The following NDRG2 variants were observed in gnomAD, a reference collection of about 807,000 sequenced individuals.
NDRG2 encodes the protein NDRG family member 2.
Under a neutral mutation model 58.2 loss-of-function variants are expected in NDRG2, and 34 were observed. The observed-to-expected ratio is 0.58, with a 90% CI of 0.44 to 0.78. The LOEUF is 0.78. Ranked by LOEUF, NDRG2 falls within the 30% of genes least tolerant of loss-of-function variation. NDRG2 has a pLI of 0.00. For missense variants in NDRG2, 434 were observed against 471.2 expected, an observed-to-expected ratio of 0.92 and a Z score of 0.73; for synonymous variants, 187 against 175.9, an observed-to-expected ratio of 1.06 and a Z score of -0.50.
At chr14:21,018,921 A>C in intron 11 of NDRG2, 107 bp from the exon 12 acceptor site, 1 of 1,445,312 alleles carries the variant, frequency 6.9e-7, no homozygotes, top group Non-Finnish European at 9.6e-7. Context: ...GAGGAAAGAC[A>C]CTTCTGTGTC....
intron 1 of NDRG2, among the ~76,000 whole-genome samples, chr14:21,044,995 A>C: frequency 6.6e-6 from 1 of 152,216 alleles, no homozygotes; most frequent in East Asian, 1.9e-4. Context: ...GAGGAATCCT[A>C]CCTGCCAAAT....
chr14:21,019,187 T>C (rs376419980), intron 10 of NDRG2, 27 bp from the exon 11 acceptor site: 264 of 1,599,728 alleles, frequency 1.7e-4, no homozygotes, highest in Non-Finnish European at 1.2e-4. Flanking sequence ...AGAGTAGGAA[T>C]TTTAGGTGGG....
chr14:21,020,624 G>A, intron 7 of NDRG2, 42 bp from the exon 8 acceptor site: 1 of 1,599,928 alleles, frequency 6.3e-7, no homozygotes, highest in South Asian at 1.1e-5. Context: ...ACAGGGCATG[G>A]CCTTATCCCC....
chr14:21,025,755 G>A, upstream of NDRG2: 1 of 979,474 alleles, frequency 1.0e-6, no homozygotes, highest in Non-Finnish European at 1.2e-6. The surrounding 1 kb of genome is among the most constrained non-coding windows in gnomAD (Gnocchi z 5.1). Context: ...GGGGAGGTGG[G>A]GGCGGGGAAT....
chr14:21,037,430 G>C (rs979736116), intron 1 of NDRG2, among the ~76,000 whole-genome samples: 2 of 152,354 alleles, frequency 1.3e-5, no homozygotes, highest in East Asian at 3.9e-4. Flanking sequence ...AAGTTCTAGA[G>C]TGACAGTGGC....
intron 1 of NDRG2, among the ~76,000 whole-genome samples, chr14:21,057,077 C>T (rs1382705003): frequency 3.3e-5 from 5 of 152,220 alleles, no homozygotes. Flanking sequence ...ACAACTCTTT[C>T]AGGGACACCT....
At chr14:21,049,388 C>G (rs1244387218) in intron 1 of NDRG2, among the ~76,000 whole-genome samples, 8 of 152,154 alleles carry the variant, frequency 5.3e-5, no homozygotes, top group Non-Finnish European at 8.8e-5. Flanking sequence ...GTGGTCATTA[C>G]TTTCTATGGT....
In NDRG2 at chr14:21,070,318, A is replaced by C. The variant is rs1052845231; in HGVS notation, c.24+510T>G. 1.6e-5 allele frequency: 22 copies of C among 1,382,740 alleles called. No individual in the cohort carries two copies. The highest frequency in any genetic ancestry group is 3.2e-5 in the Admixed American group (1 of 31,090). The allele number at this position is 1,382,740 out of a possible 1,614,324, so 85.7% of individuals were successfully genotyped here. The stretch of plus-strand genomic sequence containing the variant: ...GTCCCTTAGCCAGACCCGGCGAGAC[A>C]CGAGCGGCGGGAGGGAGGCGGTGGC... On this transcript the variant is annotated intron_variant, in intron 1 of 14. Transcript: ENST00000403829. This position sits in a 1 kb window ranked among gnomAD's most constrained non-coding sequence, Gnocchi z 4.7.
chr14:21,020,558 C>T lies in NDRG2; in HGVS notation c.493G>A (p.Gly165Ser). 2 of 1,613,802 alleles carry T rather than the reference C, an allele frequency of 1.2e-6. No individual in the cohort carries two copies. The highest frequency in any genetic ancestry group is 1.7e-6 in the Non-Finnish European group (2 of 1,179,964). The change falls in exon 8 of 16, where the codon GGT becomes AGT. Residue 165 changes from glycine (G) to serine (S), a missense_variant. Physicochemically the swap from Gly to Ser is moderately conservative, Grantham distance 56. Transcript: ENST00000556147. ...GGATCAATGTTGATGAGGACAAGACCTTCAACAGTGTCCGGGTGGTTAAGC... is the reference window on the plus strand; with the variant it reads ...GGATCAATGTTGATGAGGACAAGACTTTCAACAGTGTCCGGGTGGTTAAGC... ...YALNHPDTVE[G>S]LVLINIDPNA...
intron 1 of NDRG2, chr14:21,033,483 G>A (rs1030253687): frequency 8.5e-6 from 3 of 353,076 alleles, no homozygotes; most frequent in Admixed American, 4.3e-5. Context: ...GAGGCCCTGG[G>A]CCTCCATCCA....
At chr14:21,038,056 T>C (rs1271581260) in intron 1 of NDRG2, among the ~76,000 whole-genome samples, 2 of 152,246 alleles carry the variant, frequency 1.3e-5, no homozygotes, top group African/African-American at 4.8e-5. Flanking sequence ...TACTGTGTCA[T>C]GGACAGTTCC....
At chr14:21,064,954 T>C (rs1480163695) in intron 1 of NDRG2, among the ~76,000 whole-genome samples, 1 of 152,170 alleles carries the variant, frequency 6.6e-6, no homozygotes, top group Admixed American at 6.5e-5. Context: ...GCAGATCACC[T>C]GAGATCAGGA....
intron 1 of NDRG2, among the ~76,000 whole-genome samples, chr14:21,041,221 G>A (rs149103398): frequency 1.2e-3 from 176 of 152,182 alleles, no homozygotes; most frequent in African/African-American, 3.9e-3. Flanking sequence ...TCTTGAATTC[G>A]TGGCCTTAGG....
chr14:21,057,183 C>T (rs1448212485), intron 1 of NDRG2, among the ~76,000 whole-genome samples: 7 of 152,104 alleles, frequency 4.6e-5, no homozygotes, highest in Non-Finnish European at 7.4e-5. Flanking sequence ...GCCTGTAATC[C>T]CAGCACTTTG....
rs577702493 is a variant in NDRG2, at chr14:21,018,153, C to T, written c.897+51G>A. 546 of 1,609,942 alleles carry T rather than the reference C, an allele frequency of 3.4e-4. 7 individuals are homozygous for T. In the South Asian group the frequency reaches 4.9e-3, roughly 15 times the overall value. ...TGTGGCAAAGGGCAGAGCCCAGTGC[C>T]ACCGGTATCCTATGTCCCTTCCCCA... is the stretch of plus-strand genomic sequence containing the variant. On this transcript the variant is annotated intron_variant, in intron 14 of 15. Transcript: ENST00000556147.
At chr14:21,035,939 C>T (rs749995984) in intron 1 of NDRG2, 3 of 427,998 alleles carry the variant, frequency 7.0e-6, no homozygotes, top group Admixed American at 2.6e-5. Context: ...CCTGCCTCTG[C>T]AGCTTACAAA....
rs1017359572 is a variant in NDRG2 at position 21,023,297 on chromosome 14, C to A, written c.19G>T (p.Val7Leu). The A allele has an allele frequency of 6.2e-7, 1 of 1,613,806 alleles. No individual in the cohort carries two copies. The highest frequency in any genetic ancestry group is 8.5e-7 in the Non-Finnish European group (1 of 1,179,900). ...AGTGGCTTCTCCTCTGTGATCTGCA[C>A]CTCCTGCAGCTCCGCCATGGTGGCC... MAELQE[V>L]QITEEKPLLP... Residue 7 changes from valine (V) to leucine (L), a missense_variant, in exon 2 of 16, where the codon GTG becomes TTG. Physicochemically the swap from Val to Leu is conservative, Grantham distance 32. Transcript: ENST00000556147.
chr14:21,022,785 G>A, intron 3 of NDRG2, 79 bp downstream of exon 3: 2 of 1,418,676 alleles, frequency 1.4e-6, no homozygotes, highest in African/African-American at 2.8e-5. Context: ...AGAGAAGAGA[G>A]GGCCAAGCAG....
chr14:21,065,391 C>T lies in NDRG2; in HGVS notation c.24+5437G>A, dbSNP rs189510213. 6.4e-4 allele frequency among the ~76,000 whole-genome samples: 98 copies of T among 152,314 alleles called. No homozygotes were observed. The South Asian group carries it at 0.015, about 24-fold the overall frequency. ...TCTCTGGAGCTTTCTGCCCTCCTTT[C>T]AGTCTTCACTTGGATTTATGATCTC... On this transcript the variant is annotated intron_variant, in intron 1 of 14. Transcript: ENST00000403829.
Sources: allele counts gnomAD v4.1 joint callset (sites outside exome capture counted in the v4.1 genomes callset), GRCh38; gene constraint gnomAD v4.1.1; non-coding constraint Gnocchi (gnomAD v3.1); transcripts MANE v1.5; gene names NCBI Gene and HGNC (gene_info 2026-07-23, HGNC 2026-07-21).